The following CROCC variants were observed in gnomAD, a reference collection of about 807,000 sequenced individuals.
CROCC encodes ciliary rootlet coiled-coil, rootletin, also known as rootletin.
Under a neutral mutation model 245.2 loss-of-function variants are expected in CROCC, and 180 were observed. That is an observed-to-expected ratio of 0.73 (90% CI 0.65 to 0.83). The LOEUF (loss-of-function observed/expected upper bound fraction) is 0.83. CROCC is among the 40% of genes least tolerant of loss of function. CROCC has a pLI of 0.00. For synonymous variants in CROCC, 1,205 were observed against 1,241.6 expected (o/e 0.97, Z 0.62); for missense variants, 2,688 against 2,779.4 (o/e 0.97, Z 0.74).
upstream of CROCC, among the ~76,000 whole-genome samples, chr1:16,919,479 AGGCATAGCAGT>A (rs2075358824): frequency 6.6e-6 from 1 of 152,286 alleles, no homozygotes. Flanking sequence ...CGGAGGGCTG[AGGCATAGCAGT>A]GTAGCAGGAC....
intron 3 of CROCC, among the ~76,000 whole-genome samples, chr1:16,925,641 TG>T (rs1315491438): frequency 6.6e-6 from 1 of 152,262 alleles, no homozygotes; most frequent in African/African-American, 2.4e-5. Context: ...AGGGTTGGCA[TG>T]GGACCCCTGA....
intron 8 of CROCC, among the ~76,000 whole-genome samples, 177 bp from the exon 9 acceptor site, chr1:16,936,460 G>C (rs1422230584): frequency 6.6e-6 from 1 of 152,288 alleles, no homozygotes; most frequent in African/African-American, 2.4e-5. Context: ...GTAGAGATAG[G>C]GTTTCACCAT....
At chr1:16,928,340 G>A (rs113253200) in intron 3 of CROCC, among the ~76,000 whole-genome samples, 39 of 152,388 alleles carry the variant, frequency 2.6e-4, no homozygotes, top group African/African-American at 8.4e-4. Context: ...GGCCACCTGG[G>A]GCCAGCAGGT....
Position 16,945,582 on chromosome 1 carries a change from C to T in CROCC, c.2112C>T (p.Ala704=), listed in dbSNP as rs140598698. Residue 704 remains alanine (A), a synonymous_variant, in exon 15 of 37, where the codon GCC becomes GCT. Coordinates refer to ENST00000375541, the MANE Select transcript of CROCC (RefSeq NM_014675.5). The part of the protein sequence containing the change: ...LQRDMLQAEK[A]EVAEALTKAE... ...GGGACATGCTGCAGGCCGAGAAGGC[C>T]GAGGTGGCCGAGGCGCTGACCAAGG... 1.4e-3 allele frequency: 2,224 copies of T among 1,611,822 alleles called. No individual in the cohort carries two copies. The African/African-American group carries it at 0.026, about 19-fold the overall frequency.
rs2076067243 is a variant in CROCC, at chr1:16,947,105, T to C, written c.2514+114T>C. Reference sequence around the variant, plus strand: ...ACAGGCACTGGAGCCTGCTTCTGGGTTAAATCCAGCCCCACTTCTGCTAGC... The same window carrying C: ...ACAGGCACTGGAGCCTGCTTCTGGGCTAAATCCAGCCCCACTTCTGCTAGC... On this transcript the variant is annotated intron_variant, in intron 17 of 36. Coordinates refer to ENST00000375541, the MANE Select transcript of CROCC (RefSeq NM_014675.5). 13 of 1,010,270 alleles carry C rather than the reference T, an allele frequency of 1.3e-5. No homozygotes were observed. In the Admixed American group the frequency reaches 3.4e-4, roughly 27 times the overall value. The allele number at this position is 1,010,270 out of a possible 1,614,324, so 62.6% of individuals were successfully genotyped here.
rs1209623980 is a variant in CROCC at position 16,961,205 on chromosome 1, G to GGGTTTT, written c.4405+75_4405+76insGGTTTT. On this transcript the variant is annotated intron_variant, in intron 27 of 36. Coordinates refer to ENST00000375541, the MANE Select transcript of CROCC (RefSeq NM_014675.5). ...TGAGGCCCCGCCCCCACATGGCAGG[G>GGGTTTT]TGTTTTTGTTTTTGTTTTTGTTTTT... 1.5e-5 allele frequency: 18 copies of GGGTTTT among 1,232,792 alleles called. No homozygotes were observed. The Admixed American group carries it at 3.5e-4, about 24-fold the overall frequency. 76.4% of individuals were successfully genotyped at this position (1,232,792 alleles called of 1,614,324 possible).
rs2100501933 is a variant in CROCC, at chr1:16,954,634, G to A, written c.3322-100G>A. 5 of 1,418,150 alleles carry A rather than the reference G, an allele frequency of 3.5e-6. No homozygotes were observed. The highest frequency in any genetic ancestry group is 2.9e-5 in the South Asian group (2 of 68,382). The allele number at this position is 1,418,150 out of a possible 1,614,324, so 87.8% of individuals were successfully genotyped here. Reference sequence around the variant, plus strand: ...GTCCGGCAGGCCAGCGGGAGGGGCCGTGTTTAGAGCTAAAAGTGGACAGTG... The same window carrying A: ...GTCCGGCAGGCCAGCGGGAGGGGCCATGTTTAGAGCTAAAAGTGGACAGTG... On this transcript the variant is annotated intron_variant, in intron 22 of 36. Transcript: ENST00000375541. This position sits in a 1 kb window ranked among gnomAD's most constrained non-coding sequence, Gnocchi z 4.4.
At chr1:16,919,051 T>C (rs1335554079), upstream of CROCC, among the ~76,000 whole-genome samples, 4 of 152,414 alleles carry the variant, frequency 2.6e-5, no homozygotes, top group Middle Eastern at 6.8e-3. Context: ...TGGTTTAGTT[T>C]TGCCCAAATC....
rs2075692166 is a variant in CROCC, at chr1:16,932,173, G to A, written c.956+776G>A. On this transcript the variant is annotated intron_variant, in intron 8 of 36. Coordinates refer to ENST00000375541, the MANE Select transcript of CROCC (RefSeq NM_014675.5). ...TCCCCAAAATTCTAGGCTGGGCACGGTGGCTCACGCCTGTAATCCCAGCAC... is the reference window on the plus strand; with the variant it reads ...TCCCCAAAATTCTAGGCTGGGCACGATGGCTCACGCCTGTAATCCCAGCAC... 2.0e-5 allele frequency among the ~76,000 whole-genome samples: 3 copies of A among 152,370 alleles called. No individual in the cohort carries two copies. The South Asian group carries it at 6.2e-4, about 32-fold the overall frequency.
upstream of CROCC, among the ~76,000 whole-genome samples, chr1:16,918,742 TTG>T (rs751730213): frequency 0.19 from 27,269 of 140,610 alleles, 122 homozygotes; most frequent in African/African-American, 0.31. Context: ...TTTTTTGTTT[TTG>T]TTTTTTTTTT....
chr1:16,966,187 G>T lies in CROCC; in HGVS notation c.4696+68G>T. Reference sequence around the variant, plus strand: ...TGGGCAGTTGAGGCAGGAGCCGGGGGATTGGCCTCTGACCTTGCCGTGGCC... The same window carrying T: ...TGGGCAGTTGAGGCAGGAGCCGGGGTATTGGCCTCTGACCTTGCCGTGGCC... On this transcript the variant is annotated intron_variant, in intron 29 of 36. Transcript: ENST00000375541. The surrounding 1 kb of genome is among the most constrained non-coding windows in gnomAD (Gnocchi z 4.8). The T allele has an allele frequency of 6.4e-7, 1 of 1,554,652 alleles. No homozygotes were observed. The highest frequency in any genetic ancestry group is 8.7e-7 in the Non-Finnish European group (1 of 1,145,832).
Position 16,944,201 on chromosome 1 carries a change from G to T in CROCC, c.1910G>T (p.Arg637Leu). 1 of 1,555,226 alleles carries T rather than the reference G, an allele frequency of 6.4e-7. No homozygotes were observed. The highest frequency in any genetic ancestry group is 8.7e-7 in the Non-Finnish European group (1 of 1,149,400). Residue 637 changes from arginine to leucine, a missense_variant, in exon 14 of 37, where the codon CGG (arginine) becomes CTG (leucine). Arg to Leu is a moderately radical substitution (Grantham distance 102). Transcript: ENST00000375541. Reference sequence around the variant, plus strand: ...CTGCAGGCTGCCCAGGAGGAGCTGCGGCGCCAGCGGGACCGGCTGGAGGAA... The same window carrying T: ...CTGCAGGCTGCCCAGGAGGAGCTGCTGCGCCAGCGGGACCGGCTGGAGGAA... Reference protein sequence around the residue: ...EKLQAAQEELRRQRDRLEEEQ... With the variant: ...EKLQAAQEELLRQRDRLEEEQ...
intron 1 of CROCC, among the ~76,000 whole-genome samples, 189 bp downstream of exon 1, chr1:16,922,267 C>G (rs2075425599): frequency 6.6e-6 from 1 of 152,254 alleles, no homozygotes; most frequent in African/African-American, 2.4e-5. Flanking sequence ...GGTGCACCTG[C>G]TGTGGCTCCC....
At chr1:16,943,239 TA>T (rs61046288) in intron 13 of CROCC, among the ~76,000 whole-genome samples, 382 of 135,252 alleles carry the variant, frequency 2.8e-3, no homozygotes, top group Admixed American at 4.9e-3. Flanking sequence ...AGATGCCGTC[TA>T]AAAAAAAAAA....
At chr1:16,922,103 C>A (rs2075420474) in intron 1 of CROCC, 25 bp downstream of exon 1, 10 of 1,529,854 alleles carry the variant, frequency 6.5e-6, no homozygotes, top group Non-Finnish European at 8.8e-6. Context: ...CTGTGCCCAC[C>A]CTGTCTGGGG....
chr1:16,928,385 A>T (rs570893893), intron 3 of CROCC, among the ~76,000 whole-genome samples: 3 of 152,236 alleles, frequency 2.0e-5, no homozygotes, highest in African/African-American at 7.2e-5. Flanking sequence ...TATGGCTGGT[A>T]GGGACAGCCA....
chr1:16,947,202 C>A (rs1467403952), intron 17 of CROCC, among the ~76,000 whole-genome samples: 3 of 152,286 alleles, frequency 2.0e-5, no homozygotes, highest in African/African-American at 7.2e-5. Context: ...GCCAGCCAGG[C>A]GCAGTGGCTC....
At chr1:16,923,895 A>G (rs2075468452) in intron 2 of CROCC, among the ~76,000 whole-genome samples, 1 of 152,220 alleles carries the variant, frequency 6.6e-6, no homozygotes. Flanking sequence ...TGGCCAGGCT[A>G]GTCTCAAACT....
At position 16,941,710 on chromosome 1, in the gene CROCC, C is replaced by G. The variant is rs1279324926; in HGVS notation, c.1808+1617C>G. 4.0e-5 allele frequency among the ~76,000 whole-genome samples: 6 copies of G among 149,620 alleles called. No homozygotes were observed. The East Asian group carries it at 9.8e-4, about 24-fold the overall frequency. Reference sequence around the variant, plus strand: ...TGGCGCCACTGCACTCCAGCCTGAGCGACAGAGCAAGACTCCGTCTCAAAA... The same window carrying G: ...TGGCGCCACTGCACTCCAGCCTGAGGGACAGAGCAAGACTCCGTCTCAAAA... On this transcript the variant is annotated intron_variant, in intron 13 of 36. Transcript: ENST00000375541.
Sources: allele counts gnomAD v4.1 joint callset (sites outside exome capture counted in the v4.1 genomes callset), GRCh38; gene constraint gnomAD v4.1.1; non-coding constraint Gnocchi (gnomAD v3.1); transcripts MANE v1.5; gene names NCBI Gene and HGNC (gene_info 2026-07-23, HGNC 2026-07-21).